The following PARP14 variants were observed in gnomAD, a reference collection of about 807,000 sequenced individuals.
The protein encoded by PARP14 is protein mono-ADP-ribosyltransferase PARP14.
A neutral mutation model predicts 154.2 loss-of-function variants in PARP14; 59 were observed. The ratio of observed to expected loss-of-function variants is 0.38; its 90% CI spans 0.31 to 0.48. The LOEUF is 0.48. Ranked by LOEUF, PARP14 falls within the 20% of genes least tolerant of loss-of-function variation. The pLI is 0.98. For synonymous variants in PARP14, 720 were observed against 780.5 expected, an observed-to-expected ratio of 0.92 and a Z score of 1.29; for missense variants, 1,734 against 2,131.6, an observed-to-expected ratio of 0.81 and a Z score of 3.67.
Position 122,695,464 on chromosome 3 carries a change from T to C in PARP14, c.637T>C (p.Ser213Pro). 1 of 1,603,614 alleles carries C rather than the reference T, an allele frequency of 6.2e-7. No homozygotes were observed. The highest frequency in any genetic ancestry group is 8.5e-7 in the Non-Finnish European group (1 of 1,172,596). The change falls in exon 5 of 17, where the codon TCA (serine) becomes CCA (proline). Residue 213 changes from serine to proline, a missense_variant. Ser to Pro is a moderately conservative substitution (Grantham distance 74). This residue lies in a region of PARP14 where 1,646 missense variants were observed against 1,976.0 expected (regional missense o/e 0.83). Coordinates refer to ENST00000474629, the MANE Select transcript of PARP14 (RefSeq NM_017554.3). ...RFVDDCTKHH[S>P]IKQLQLSPRL... ...TGTTGATGATTGTACCAAGCACCAT[T>C]CAATTAAACAACTTCAGCTTTCTCC...
chr3:122,725,265 CCGGG>C, intron 15 of PARP14, among the ~76,000 whole-genome samples: 1 of 151,466 alleles, frequency 6.6e-6, no homozygotes, highest in South Asian at 2.1e-4. Context: ...GACAGGGCGG[CCGGG>C]CAGAGGCACT....
intron 10 of PARP14, 104 bp from the exon 11 acceptor site, chr3:122,713,768 G>T: frequency 1.1e-6 from 1 of 922,810 alleles, no homozygotes; most frequent in Non-Finnish European, 1.8e-6. Flanking sequence ...CCAATTAGAG[G>T]ATTCCTCAGA....
At position 122,701,453 on chromosome 3, in the gene PARP14, G is replaced by A. The variant is rs375470272; in HGVS notation, c.2899G>A (p.Val967Ile). ...IYLVDVSEKT[V>I]EAFAEAVKTV... ...CCTTGTGGATGTATCTGAGAAGACTGTTGAGGCCTTTGCAGAAGCTGTGAA... is the reference window on the plus strand; with the variant it reads ...CCTTGTGGATGTATCTGAGAAGACTATTGAGGCCTTTGCAGAAGCTGTGAA... Residue 967 changes from valine to isoleucine, a missense_variant, in exon 6 of 17, where the codon GTT becomes ATT. Physicochemically the swap from Val to Ile is conservative, Grantham distance 29 (BLOSUM62 3). Coordinates refer to ENST00000474629, the MANE Select transcript of PARP14 (RefSeq NM_017554.3). The surrounding 1 kb of genome is among the most constrained non-coding windows in gnomAD (Gnocchi z 4.0). 2 of 1,613,896 alleles carry A rather than the reference G, an allele frequency of 1.2e-6. No homozygotes were observed. The highest frequency in any genetic ancestry group is 2.7e-5 in the African/African-American group (2 of 74,936).
In PARP14 at chr3:122,718,417, G is replaced by A; in HGVS notation, c.4266G>A (p.Lys1422=). The change falls in exon 14 of 17, where the codon AAG becomes AAA. Residue 1422 remains lysine, a synonymous_variant. Coordinates refer to ENST00000474629, the MANE Select transcript of PARP14 (RefSeq NM_017554.3). ...PQKKNHLVLE[K]KTESATFRVC... ...AAAAGAATCATTTGGTTTTGGAAAA[G>A]AAAACAGAATCAGCAACTTTTCGGG... 1 of 1,613,234 alleles carries A rather than the reference G, an allele frequency of 6.2e-7. No homozygotes were observed. The highest frequency in any genetic ancestry group is 1.1e-5 in the South Asian group (1 of 90,678).
chr3:122,725,411 C>G (rs1330309907), intron 15 of PARP14, among the ~76,000 whole-genome samples: 1 of 151,788 alleles, frequency 6.6e-6, no homozygotes, highest in African/African-American at 2.4e-5. Context: ...ACCTCCCAGA[C>G]AGGGCGGCCG....
chr3:122,703,001 A>T (rs543761889), intron 6 of PARP14, among the ~76,000 whole-genome samples: 1 of 134,822 alleles, frequency 7.4e-6, no homozygotes, highest in Admixed American at 7.8e-5. Flanking sequence ...CTTAAAAAAA[A>T]AAAAAAAAAC....
At chr3:122,707,356 G>A (rs1273104084) in intron 8 of PARP14, among the ~76,000 whole-genome samples, 1 of 149,204 alleles carries the variant, frequency 6.7e-6, no homozygotes, top group East Asian at 1.9e-4. Context: ...ACTCCAGCCT[G>A]GGTGACAGAA....
At chr3:122,704,455 A>G (rs1366376583) in intron 7 of PARP14, 72 bp from the exon 8 acceptor site, 1 of 949,814 alleles carries the variant, frequency 1.1e-6, no homozygotes, top group Non-Finnish European at 1.6e-6. Context: ...CAAAGTTGCT[A>G]AATTCTTGTC....
Position 122,701,605 on chromosome 3 carries a change from G to C in PARP14, c.3051G>C (p.Leu1017=). 1 of 1,602,160 alleles carries C rather than the reference G, an allele frequency of 6.2e-7. No individual in the cohort carries two copies. Among genetic ancestry groups the C allele is most frequent in the Non-Finnish European group, 8.5e-7 (1 of 1,174,006 alleles). ...SLVSPGGLQM[L]LVKEGVQNAK... is the part of the protein sequence containing the mutation. ...TGTCCCCGGGAGGCCTGCAGATGCT[G>C]TTGGTGAAAGAGGGTGTGCAGAATG... Residue 1017 remains leucine (L), a synonymous_variant, in exon 6 of 17, where the codon CTG becomes CTC. Coordinates refer to ENST00000474629, the MANE Select transcript of PARP14 (RefSeq NM_017554.3). This position sits in a 1 kb window ranked among gnomAD's most constrained non-coding sequence, Gnocchi z 4.0.
intron 16 of PARP14, 55 bp from the exon 17 acceptor site, chr3:122,728,253 C>A: frequency 6.9e-7 from 1 of 1,443,870 alleles, no homozygotes; most frequent in Non-Finnish European, 9.6e-7. Context: ...ATTGGGCCAA[C>A]ATATCAAATT....
Position 122,698,084 on chromosome 3 carries a change from A to T in PARP14, c.836-1306A>T, listed in dbSNP as rs926428886. Among the ~76,000 whole-genome samples, 6 of 152,338 alleles carry T rather than the reference A, an allele frequency of 3.9e-5. No homozygotes were observed. The East Asian group carries it at 1.2e-3, about 29-fold the overall frequency. ...AGCCTGGTGCCTGATGGTGCTCAGT[A>T]AGTTGGTAATCATAAATACTGCCCA... On this transcript the variant is annotated intron_variant, in intron 5 of 16. Coordinates refer to ENST00000474629, the MANE Select transcript of PARP14 (RefSeq NM_017554.3).
In PARP14 at chr3:122,704,656, T is replaced by G. The variant is rs1939093369; in HGVS notation, c.3448T>G (p.Ser1150Ala). ...AAACATATTCGCTGAATTAATCATT[T>G]CAGAGGTGTTCAAATTTAGTAGCAA... ...PKNIFAELII[S>A]EVFKFSSKNQ... is the part of the protein sequence containing the mutation. The change falls in exon 8 of 17, where the codon TCA (serine) becomes GCA (alanine). Residue 1150 changes from serine to alanine, a missense_variant. By Grantham distance (99) the Ser-to-Ala change is moderately conservative. Around this residue, in one of 2 missense-constraint regions of PARP14, gnomAD observed 1,646 missense variants for 1,976.0 expected, o/e 0.83. Transcript: ENST00000474629. 1.2e-6 allele frequency: 2 copies of G among 1,606,594 alleles called. No individual in the cohort carries two copies. The highest frequency in any genetic ancestry group is 2.7e-5 in the African/African-American group (2 of 74,922).
At chr3:122,690,194 T>G (rs1451289858) in intron 3 of PARP14, among the ~76,000 whole-genome samples, 1 of 152,214 alleles carries the variant, frequency 6.6e-6, no homozygotes, top group African/African-American at 2.4e-5. Context: ...ACTATATTGC[T>G]GGAAAGATTC....
At chr3:122,682,001 G>C (rs1360832727) in intron 1 of PARP14, among the ~76,000 whole-genome samples, 2 of 152,210 alleles carry the variant, frequency 1.3e-5, no homozygotes, top group Non-Finnish European at 2.9e-5. Flanking sequence ...GGAGAGGCAA[G>C]GAGGCTGAGG....
At chr3:122,693,205 T>C (rs577179153) in intron 4 of PARP14, among the ~76,000 whole-genome samples, 86 of 152,338 alleles carry the variant, frequency 5.6e-4, no homozygotes, top group Admixed American at 1.0e-3. Flanking sequence ...CATTCACATA[T>C]GTAGGTATGA....
intron 15 of PARP14, among the ~76,000 whole-genome samples, chr3:122,724,556 C>G (rs1410178474): frequency 6.7e-6 from 1 of 149,182 alleles, no homozygotes; most frequent in Non-Finnish European, 1.5e-5. Context: ...CCACCCACCT[C>G]TGTCTCTCAG....
chr3:122,683,971 A>G (rs531597953), intron 1 of PARP14, among the ~76,000 whole-genome samples: 1 of 152,276 alleles, frequency 6.6e-6, no homozygotes, highest in Admixed American at 6.5e-5. Flanking sequence ...GCCCTTCAGG[A>G]GTTTGTGTGG....
In PARP14 at chr3:122,713,578, T is replaced by C; in HGVS notation, c.3769+5T>C. ...ACTCATTCAATCTCAAAGCAGGTACTTGTACAATTTTGATGAGTGCAATAG... is the reference window on the plus strand; with the variant it reads ...ACTCATTCAATCTCAAAGCAGGTACCTGTACAATTTTGATGAGTGCAATAG... On this transcript the variant is annotated splice_donor_5th_base_variant and intron_variant, in intron 10 of 16. Coordinates refer to ENST00000474629, the MANE Select transcript of PARP14 (RefSeq NM_017554.3). The C allele has an allele frequency of 6.2e-7, 1 of 1,612,578 alleles. No homozygotes were observed. The highest frequency in any genetic ancestry group is 8.5e-7 in the Non-Finnish European group (1 of 1,178,740).
chr3:122,698,033 G>A (rs1271334277), intron 5 of PARP14, among the ~76,000 whole-genome samples: 1 of 152,216 alleles, frequency 6.6e-6, no homozygotes, highest in Non-Finnish European at 1.5e-5. Context: ...ATGCTGTGAG[G>A]TTGAAATGAA....
Sources: allele counts gnomAD v4.1 joint callset (sites outside exome capture counted in the v4.1 genomes callset), GRCh38; gene constraint gnomAD v4.1.1; regional missense constraint gnomAD v4.1.1; non-coding constraint Gnocchi (gnomAD v3.1); transcripts MANE v1.5; gene names NCBI Gene and HGNC (gene_info 2026-07-23, HGNC 2026-07-21).